TASP1: variants seen among roughly 807,000 people sequenced by gnomAD.
The protein encoded by TASP1 is taspase 1.
TASP1 carries 16 observed loss-of-function variants against 56.6 expected under a neutral mutation model. The ratio of observed to expected loss-of-function variants is 0.28; its 90% CI spans 0.19 to 0.43. TASP1 has a LOEUF of 0.43. TASP1 is among the 20% of genes least tolerant of loss of function. The probability of loss-of-function intolerance (pLI) is 1.00; values close to 1 mark genes in which losing one functional copy is unlikely to be tolerated. For missense variants in TASP1, 393 were observed against 511.6 expected, an observed-to-expected ratio of 0.77 and a Z score of 2.24; for synonymous variants, 179 against 184.2, an observed-to-expected ratio of 0.97 and a Z score of 0.23.
intron 10 of TASP1, among the ~76,000 whole-genome samples, chr20:13,507,014 T>C (rs2044158373): frequency 6.6e-6 from 1 of 151,988 alleles, no homozygotes. Flanking sequence ...ATGTTATATA[T>C]AGAAAACTGT....
intron 10 of TASP1, among the ~76,000 whole-genome samples, chr20:13,490,562 A>T (rs1218486983): frequency 6.6e-6 from 1 of 152,188 alleles, no homozygotes; most frequent in African/African-American, 2.4e-5. Flanking sequence ...AACTTTACCC[A>T]TAGGAGAAAT....
At chr20:13,427,038 T>C (rs1482961467) in intron 12 of TASP1, among the ~76,000 whole-genome samples, 1 of 152,232 alleles carries the variant, frequency 6.6e-6, no homozygotes, top group Non-Finnish European at 1.5e-5. Context: ...GTTATGTTTA[T>C]GATCATGTGA....
chr20:13,481,208 T>C (rs1341908697), intron 11 of TASP1, among the ~76,000 whole-genome samples: 2 of 152,174 alleles, frequency 1.3e-5, no homozygotes, highest in East Asian at 1.9e-4. Flanking sequence ...TCACTTAACA[T>C]AATGATCTCC....
chr20:13,177,730 C>T, the TASP1 span, among the ~76,000 whole-genome samples: 4 of 152,106 alleles, frequency 2.6e-5, no homozygotes, highest in Non-Finnish European at 5.9e-5. Flanking sequence ...TAAAATTAGA[C>T]CCCCACCTCT....
the TASP1 span, among the ~76,000 whole-genome samples, chr20:13,353,305 G>C: frequency 1.3e-5 from 2 of 149,662 alleles, no homozygotes; most frequent in Non-Finnish European, 3.0e-5. Flanking sequence ...CCAAACATTT[G>C]AGTATCTCCC....
intron 11 of TASP1, among the ~76,000 whole-genome samples, chr20:13,471,274 AAATC>A (rs2044480218): frequency 1.3e-5 from 2 of 152,158 alleles, no homozygotes; most frequent in Non-Finnish European, 2.9e-5. Flanking sequence ...GAAGTACCAT[AAATC>A]ATGGAAGACA....
At chr20:13,516,181 G>A (rs181808174) in intron 10 of TASP1, among the ~76,000 whole-genome samples, 1 of 152,244 alleles carries the variant, frequency 6.6e-6, no homozygotes, top group East Asian at 1.9e-4. Flanking sequence ...GGCACTAGTT[G>A]TATTTAGTGA....
the TASP1 span, among the ~76,000 whole-genome samples, chr20:13,305,562 C>T: frequency 8.5e-5 from 13 of 152,138 alleles, no homozygotes; most frequent in Admixed American, 5.2e-4. Context: ...TGCACAATTT[C>T]GGACAAATTA....
intron 4 of TASP1, chr20:13,617,019 G>C (rs763827481): frequency 3.1e-5 from 14 of 454,372 alleles, no homozygotes; most frequent in South Asian, 2.0e-4. Flanking sequence ...CCCTTGTTCA[G>C]AAGGTGGAAA....
At position 13,629,975 on chromosome 20, in the gene TASP1, G is replaced by T. The variant is rs2049027017; in HGVS notation, c.104C>A (p.Ser35Tyr). The T allele has an allele frequency of 3.7e-6, 6 of 1,613,890 alleles. No individual in the cohort carries two copies. The highest frequency in any genetic ancestry group is 5.1e-6 in the Non-Finnish European group (6 of 1,179,958). Reference sequence around the variant, plus strand: ...AAAGCCTCCTCGTTTCTCTTTATAGGACTGCTTTGTTTCCAACTCTTTGGC... The same window carrying T: ...AAAGCCTCCTCGTTTCTCTTTATAGTACTGCTTTGTTTCCAACTCTTTGGC... ...ITAKELETKQ[S>Y]YKEKRGGFVL... Residue 35 changes from serine (S) to tyrosine (Y), a missense_variant, in exon 2 of 14, where the codon TCC (serine) becomes TAC (tyrosine). Around this residue, in one of 3 missense-constraint regions of TASP1, gnomAD observed 52 missense variants for 51.1 expected, o/e 1.02. Coordinates refer to ENST00000337743, the MANE Select transcript of TASP1 (RefSeq NM_017714.3).
At chr20:13,635,976 T>G (rs1476017190) in intron 1 of TASP1, among the ~76,000 whole-genome samples, 1 of 152,090 alleles carries the variant, frequency 6.6e-6, no homozygotes, top group Non-Finnish European at 1.5e-5. Context: ...TACCACGTCC[T>G]GTTGCTGTGG....
At chr20:13,328,844 T>C in the TASP1 span, among the ~76,000 whole-genome samples, 15,038 of 151,918 alleles carry the variant, frequency 0.099, 1,168 homozygotes, top group African/African-American at 0.21. Flanking sequence ...GAATATCTAA[T>C]GAATGCTGGG....
At position 13,569,620 on chromosome 20, in the gene TASP1, G is replaced by C. The variant is rs201995182; in HGVS notation, c.489-34C>G. ...AGAAAAATTATTTTTAAAATTCACA[G>C]TGTCATCTTCTCCTACATATTCAAT... On this transcript the variant is annotated intron_variant, in intron 6 of 13. Coordinates refer to ENST00000337743, the MANE Select transcript of TASP1 (RefSeq NM_017714.3). The C allele has an allele frequency of 8.3e-6, 13 of 1,559,050 alleles. No homozygotes were observed. The African/African-American group carries it at 1.4e-4, about 16-fold the overall frequency.
intron 4 of TASP1, among the ~76,000 whole-genome samples, chr20:13,593,572 C>T (rs1477031091): frequency 6.6e-6 from 1 of 152,226 alleles, no homozygotes; most frequent in African/African-American, 2.4e-5. Flanking sequence ...CTCGGCAGGT[C>T]CCACACCCAT....
At chr20:13,396,138 TTC>T (rs568425979) in intron 13 of TASP1, among the ~76,000 whole-genome samples, 26 of 152,206 alleles carry the variant, frequency 1.7e-4, no homozygotes, top group Non-Finnish European at 3.7e-4. Flanking sequence ...TTACATTTTT[TTC>T]TCTCTTAATG....
chr20:13,447,709 T>A (rs566409864), intron 11 of TASP1, among the ~76,000 whole-genome samples: 1 of 152,142 alleles, frequency 6.6e-6, no homozygotes, highest in Non-Finnish European at 1.5e-5. Context: ...TGCTTTCAGA[T>A]GTTTTATGTG....
chr20:13,420,333 T>A (rs1468610132), intron 12 of TASP1, among the ~76,000 whole-genome samples: 1 of 152,258 alleles, frequency 6.6e-6, no homozygotes, highest in Non-Finnish European at 1.5e-5. Context: ...TAAATGACTA[T>A]TTTTATATGA....
intron 7 of TASP1, among the ~76,000 whole-genome samples, chr20:13,569,202 C>A (rs2046633680): frequency 6.6e-6 from 1 of 152,014 alleles, no homozygotes; most frequent in Non-Finnish European, 1.5e-5. Flanking sequence ...CTCTCTCTCT[C>A]TCCATCTCTC....
chr20:13,483,067 G>A (rs902014964), intron 11 of TASP1, among the ~76,000 whole-genome samples, 160 bp downstream of exon 11: 5 of 152,146 alleles, frequency 3.3e-5, no homozygotes, highest in Admixed American at 1.3e-4. Context: ...ATCTACTGTG[G>A]TGGAATTTCT....
Sources: gnomAD v4.1 joint callset for allele counts (sites outside exome capture counted in the v4.1 genomes callset) on GRCh38, gnomAD v4.1.1 for gene constraint, gnomAD v4.1.1 regional missense constraint, MANE v1.5 for transcripts, NCBI Gene and HGNC (gene_info 2026-07-23, HGNC 2026-07-21) for gene names.